Variants in EPHB2 observed in about 807,000 individuals in gnomAD.
The protein encoded by EPHB2 is ephrin type-B receptor 2.
Under a neutral mutation model 96.4 loss-of-function variants are expected in EPHB2, and 18 were observed. The ratio of observed to expected loss-of-function variants is 0.19; its 90% CI spans 0.13 to 0.28. The LOEUF is 0.28. EPHB2 is among the 10% of genes least tolerant of loss of function. EPHB2 has a pLI of 1.00. For synonymous variants in EPHB2, 506 were observed against 534.1 expected, an observed-to-expected ratio of 0.95 and a Z score of 0.72; for missense variants, 989 against 1,355.4, an observed-to-expected ratio of 0.73 and a Z score of 4.25.
intron 3 of EPHB2, among the ~76,000 whole-genome samples, chr1:22,807,473 AGCATACT>A (rs1231176239): frequency 6.6e-6 from 1 of 152,186 alleles, no homozygotes; most frequent in Non-Finnish European, 1.5e-5. Flanking sequence ...TTCTGGCCTG[AGCATACT>A]GGTTGGATCT....
intron 3 of EPHB2, among the ~76,000 whole-genome samples, chr1:22,791,251 G>A (rs1184460266): frequency 1.3e-5 from 2 of 151,900 alleles, no homozygotes; most frequent in Non-Finnish European, 2.9e-5. Context: ...AAGCAATGCA[G>A]GTTATTTGTA....
chr1:22,894,596 C>CA (rs1305852246), intron 7 of EPHB2, among the ~76,000 whole-genome samples: 71 of 145,022 alleles, frequency 4.9e-4, no homozygotes, highest in Middle Eastern at 7.0e-3. Flanking sequence ...AACTCCCACT[C>CA]CAAAAAAAAA....
chr1:22,749,146 T>C (rs1228330657), intron 1 of EPHB2, among the ~76,000 whole-genome samples: 2 of 151,418 alleles, frequency 1.3e-5, no homozygotes, highest in Admixed American at 1.3e-4. Context: ...TCAGCCTCCC[T>C]AGTAGCTGGG....
chr1:22,789,112 G>C (rs1326901259), intron 3 of EPHB2, among the ~76,000 whole-genome samples: 1 of 152,120 alleles, frequency 6.6e-6, no homozygotes, highest in African/African-American at 2.4e-5. Context: ...CATGAGCTCA[G>C]ACGCACGATG....
At chr1:22,809,426 T>G (rs1214576162) in intron 3 of EPHB2, among the ~76,000 whole-genome samples, 1 of 152,228 alleles carries the variant, frequency 6.6e-6, no homozygotes, top group Non-Finnish European at 1.5e-5. Context: ...AAGAACAAGT[T>G]TCCAGGGAAA....
At position 22,906,471 on chromosome 1, in the gene EPHB2, A is replaced by G. The variant is rs1018813587; in HGVS notation, c.1889-239A>G. On this transcript the variant is annotated intron_variant, in intron 10 of 15. Transcript: ENST00000374630. The surrounding 1 kb of genome is among the most constrained non-coding windows in gnomAD (Gnocchi z 4.8). ...CAGGTTCCCCTGCACCCTCACCCCC[A>G]TGCCCAGCCAGGGATAACCAGAGAA... Among the ~76,000 whole-genome samples, 6 of 151,990 alleles carry G rather than the reference A, an allele frequency of 3.9e-5. No individual in the cohort carries two copies. The highest frequency in any genetic ancestry group is 3.9e-4 in the Admixed American group (6 of 15,258).
Position 22,784,514 on chromosome 1 carries a change from C to G in EPHB2, c.249C>G (p.Ala83=). 1 of 1,613,716 alleles carries G rather than the reference C, an allele frequency of 6.2e-7. No individual in the cohort carries two copies. The highest frequency in any genetic ancestry group is 1.7e-5 in the Admixed American group (1 of 60,022). The change falls in exon 3 of 16, where the codon GCC becomes GCG. Residue 83 remains alanine, a synonymous_variant. Transcript: ENST00000374630. This position sits in a 1 kb window ranked among gnomAD's most constrained non-coding sequence, Gnocchi z 5.1. ...CCAAGTTTATCCGGCGCCGTGGCGC[C>G]CACCGCATCCACGTGGAGATGAAGT... The part of the protein sequence containing the change: ...LRTKFIRRRG[A]HRIHVEMKFS...
At chr1:22,847,654 C>T (rs149038657) in intron 3 of EPHB2, among the ~76,000 whole-genome samples, 118 of 152,266 alleles carry the variant, frequency 7.7e-4, no homozygotes, top group African/African-American at 2.8e-3. Flanking sequence ...GGCTATGTGG[C>T]CATTTGGGCA....
At chr1:22,831,039 G>A (rs567429051) in intron 3 of EPHB2, among the ~76,000 whole-genome samples, 16 of 152,314 alleles carry the variant, frequency 1.1e-4, no homozygotes, top group South Asian at 1.0e-3. Flanking sequence ...AATGCTCCAC[G>A]TTGACTACCA....
At chr1:22,736,702 A>G (rs946911634) in intron 1 of EPHB2, among the ~76,000 whole-genome samples, 4 of 152,198 alleles carry the variant, frequency 2.6e-5, no homozygotes, top group Non-Finnish European at 5.9e-5. Context: ...CACTGTGGAT[A>G]AAGGCGCTGC....
At chr1:22,762,322 CCTTAGGG>C (rs1644246473) in intron 1 of EPHB2, among the ~76,000 whole-genome samples, 1 of 152,156 alleles carries the variant, frequency 6.6e-6, no homozygotes, top group South Asian at 2.1e-4. Context: ...ACCCTCCACT[CCTTAGGG>C]CTGCAGGACC....
intron 3 of EPHB2, among the ~76,000 whole-genome samples, chr1:22,798,365 A>G (rs142866203): frequency 5.3e-5 from 8 of 152,132 alleles, no homozygotes; most frequent in Non-Finnish European, 5.9e-5. Context: ...CTAAGCACGG[A>G]TGGAGACTCC....
intron 1 of EPHB2, among the ~76,000 whole-genome samples, chr1:22,712,308 A>C (rs1460263479): frequency 6.6e-6 from 1 of 152,126 alleles, no homozygotes; most frequent in Non-Finnish European, 1.5e-5. Flanking sequence ...CTTTCTTTGA[A>C]ACCAGCACTC....
intron 3 of EPHB2, 86 bp from the exon 4 acceptor site, chr1:22,862,930 ATGGCCCCTCCGCGAGGCTGTG>A (rs1367307325): frequency 4.9e-6 from 7 of 1,417,306 alleles, no homozygotes; most frequent in South Asian, 4.6e-5. Flanking sequence ...GTGGTGCTGC[ATGGCCCCTCCGCGAGGCTGTG>A]TGGCCCCTCC....
chr1:22,739,588 A>T (rs1483043657), intron 1 of EPHB2, among the ~76,000 whole-genome samples: 1 of 152,082 alleles, frequency 6.6e-6, no homozygotes. Flanking sequence ...ATCTCTGAGC[A>T]CATTTCTGAA....
intron 3 of EPHB2, among the ~76,000 whole-genome samples, chr1:22,831,221 A>G (rs1001184972): frequency 2.0e-5 from 3 of 152,128 alleles, no homozygotes; most frequent in Admixed American, 1.3e-4. Context: ...GGTGATGGGC[A>G]TTGAGTGAGG....
chr1:22,794,837 C>T (rs908596393), intron 3 of EPHB2, among the ~76,000 whole-genome samples: 4 of 152,212 alleles, frequency 2.6e-5, no homozygotes, highest in Non-Finnish European at 5.9e-5. Flanking sequence ...TCCAGCAGGA[C>T]CATAAACAGC....
intron 3 of EPHB2, among the ~76,000 whole-genome samples, chr1:22,847,717 C>T (rs556633977): frequency 6.6e-6 from 1 of 152,254 alleles, no homozygotes; most frequent in South Asian, 2.1e-4. Flanking sequence ...AAACCCCAAA[C>T]TCCATCACCA....
chr1:22,808,581 A>G (rs2148458345), intron 3 of EPHB2, among the ~76,000 whole-genome samples: 1 of 152,358 alleles, frequency 6.6e-6, no homozygotes, highest in South Asian at 2.1e-4. Flanking sequence ...CACATTTTGC[A>G]GATGAGAACA....
Sources: allele counts gnomAD v4.1 joint callset (sites outside exome capture counted in the v4.1 genomes callset), GRCh38; gene constraint gnomAD v4.1.1; non-coding constraint Gnocchi (gnomAD v3.1); transcripts MANE v1.5; gene names NCBI Gene and HGNC (gene_info 2026-07-23, HGNC 2026-07-21).